Variants in SHOC2 observed in about 807,000 individuals in gnomAD.
SHOC2 encodes the protein leucine-rich repeat protein SHOC-2.
Under a neutral mutation model 50.2 loss-of-function variants are expected in SHOC2, and 4 were observed. The ratio of observed to expected loss-of-function variants is 0.08; its 90% confidence interval spans 0.04 to 0.18. The LOEUF (loss-of-function observed/expected upper bound fraction) is 0.18, where lower values mean the gene tolerates loss of function less well. Among genes scored for constraint, SHOC2 ranks in the 10% least tolerant of loss-of-function variants. The pLI, the probability that SHOC2 is intolerant of heterozygous loss-of-function variation, is 1.00. For synonymous variants in SHOC2, 218 were observed against 244.5 expected, an observed-to-expected ratio of 0.89 and a Z score of 1.01; for missense variants, 388 against 669.6, an observed-to-expected ratio of 0.58 and a Z score of 4.64.
chr10:110,936,898 G>A (rs1467773892), intron 1 of SHOC2: 15 of 1,379,314 alleles, frequency 1.1e-5, no homozygotes, highest in Non-Finnish European at 1.4e-5. Context: ...TTTTCTTGTC[G>A]TAAGGCGGTG....
intron 1 of SHOC2, among the ~76,000 whole-genome samples, chr10:110,947,470 G>C (rs183481223): frequency 1.3e-5 from 2 of 152,304 alleles, no homozygotes; most frequent in East Asian, 3.9e-4. Flanking sequence ...AGACACCAGT[G>C]CAAGTCCATA....
Position 110,927,781 on chromosome 10 carries a change from A to G in SHOC2, c.-235+8124A>G, listed in dbSNP as rs185094417. Reference sequence around the variant, plus strand: ...TGTTGGGCACCAAGCACCTTAAGATAGTCAGATATAATGATGGTTAGTGAA... The same window carrying G: ...TGTTGGGCACCAAGCACCTTAAGATGGTCAGATATAATGATGGTTAGTGAA... On this transcript the variant is annotated intron_variant, in intron 1 of 8. Coordinates refer to ENST00000369452, the MANE Select transcript of SHOC2 (RefSeq NM_007373.4). Among the ~76,000 whole-genome samples the G allele has an allele frequency of 3.3e-5, 5 of 152,366 alleles. No individual in the cohort carries two copies. In the East Asian group the frequency reaches 9.6e-4, roughly 29 times the overall value.
At chr10:110,942,460 G>A (rs548085889) in intron 1 of SHOC2, among the ~76,000 whole-genome samples, 14 of 152,174 alleles carry the variant, frequency 9.2e-5, no homozygotes, top group East Asian at 3.9e-4. Context: ...CAAGTCTCCC[G>A]CCTCAGCCCC....
chr10:110,927,414 T>G (rs1487093751), intron 1 of SHOC2, among the ~76,000 whole-genome samples: 2 of 152,218 alleles, frequency 1.3e-5, no homozygotes, highest in East Asian at 1.9e-4. Context: ...TTATCTACCA[T>G]GTGCTAATTG....
intron 1 of SHOC2, among the ~76,000 whole-genome samples, chr10:110,950,474 C>G (rs559120382): frequency 6.6e-6 from 1 of 152,156 alleles, no homozygotes; most frequent in Non-Finnish European, 1.5e-5. Context: ...TTTGATACAA[C>G]AGCTATCAAA....
At chr10:110,956,066 G>A (rs1847455438) in intron 1 of SHOC2, among the ~76,000 whole-genome samples, 2 of 152,132 alleles carry the variant, frequency 1.3e-5, no homozygotes, top group Non-Finnish European at 2.9e-5. Context: ...GGTAGCACAT[G>A]CACCAACATA....
intron 1 of SHOC2, among the ~76,000 whole-genome samples, chr10:110,950,347 C>T (rs771426268): frequency 4.6e-5 from 7 of 151,838 alleles, no homozygotes; most frequent in Non-Finnish European, 8.8e-5. Context: ...ACACAGAAAT[C>T]GATAAAACAT....
intron 1 of SHOC2, among the ~76,000 whole-genome samples, chr10:110,925,579 T>TCCCA (rs1846754506): frequency 6.6e-6 from 1 of 152,128 alleles, no homozygotes; most frequent in Non-Finnish European, 1.5e-5. Context: ...CACTTTAACC[T>TCCCA]CTCGTGTAAC....
chr10:110,938,286 C>T (rs1271213319), intron 1 of SHOC2, among the ~76,000 whole-genome samples: 1 of 152,058 alleles, frequency 6.6e-6, no homozygotes, highest in Non-Finnish European at 1.5e-5. Context: ...ATTTTTTCCA[C>T]CCCATTTCTT....
intron 2 of SHOC2, among the ~76,000 whole-genome samples, chr10:110,972,622 A>G (rs1590810164): frequency 1.3e-5 from 2 of 152,172 alleles, no homozygotes; most frequent in Non-Finnish European, 1.5e-5. Flanking sequence ...AGGCAGGTGG[A>G]TTACTTGAGC....
rs748328568 is a variant in SHOC2 at position 111,011,580 on chromosome 10, TA to T, written c.1541-21del. The T allele has an allele frequency of 4.7e-5, 72 of 1,532,168 alleles. 1 individual carries two copies. The highest frequency in any genetic ancestry group is 7.8e-5 in the South Asian group (7 of 89,246). 94.9% of individuals were successfully genotyped at this position (1,532,168 alleles called of 1,614,324 possible). A position where few individuals can be genotyped will look rare whatever the true frequency, so the allele number is the denominator to read the frequency against. Reference sequence around the variant, plus strand: ...AACTTTTAAAATAGCAACTAATTTTTAAAAAAAAATTGATTTTTTTTTTAAA... The same window carrying T: ...AACTTTTAAAATAGCAACTAATTTTTAAAAAAAATTGATTTTTTTTTTAAA... On this transcript the variant is annotated intron_variant, in intron 8 of 8. Transcript: ENST00000369452.
intron 3 of SHOC2, among the ~76,000 whole-genome samples, chr10:110,990,763 C>CA (rs1257888428): frequency 6.6e-6 from 1 of 151,332 alleles, no homozygotes; most frequent in Non-Finnish European, 1.5e-5. Context: ...AAAACAAAAA[C>CA]AAAAAACAAA....
intron 6 of SHOC2, 77 bp downstream of exon 6, chr10:111,007,730 G>A (rs1848496837): frequency 7.0e-7 from 1 of 1,424,090 alleles, no homozygotes; most frequent in Non-Finnish European, 9.9e-7. Context: ...ATTTAAATAA[G>A]CAATTTCTAT....
intron 2 of SHOC2, among the ~76,000 whole-genome samples, chr10:110,980,320 C>T (rs1847952495): frequency 6.6e-6 from 1 of 152,102 alleles, no homozygotes; most frequent in Non-Finnish European, 1.5e-5. Flanking sequence ...CCATGCCCGG[C>T]TAATTTTTTG....
chr10:110,962,066 C>G (rs1227380324), intron 1 of SHOC2, among the ~76,000 whole-genome samples: 2 of 151,880 alleles, frequency 1.3e-5, no homozygotes, highest in Non-Finnish European at 2.9e-5. Context: ...CACGTATTTT[C>G]TTTTTTCGTT....
At chr10:110,988,743 C>A (rs1848126977) in intron 3 of SHOC2, among the ~76,000 whole-genome samples, 1 of 151,902 alleles carries the variant, frequency 6.6e-6, no homozygotes, top group African/African-American at 2.4e-5. Flanking sequence ...TTTCTAGTTT[C>A]TTATGGTGGC....
At chr10:110,997,949 C>T (rs1394974367) in intron 3 of SHOC2, among the ~76,000 whole-genome samples, 1 of 150,808 alleles carries the variant, frequency 6.6e-6, no homozygotes, top group African/African-American at 2.4e-5. Flanking sequence ...TGTCATAAAG[C>T]AAATTATTTT....
At chr10:111,002,962 C>T (rs556217535) in intron 4 of SHOC2, among the ~76,000 whole-genome samples, 1 of 152,246 alleles carries the variant, frequency 6.6e-6, no homozygotes, top group South Asian at 2.1e-4. Flanking sequence ...TGCCATGAGG[C>T]TCAGTAAAAC....
At chr10:110,976,376 A>G (rs1847878794) in intron 2 of SHOC2, among the ~76,000 whole-genome samples, 1 of 149,216 alleles carries the variant, frequency 6.7e-6, no homozygotes, top group Non-Finnish European at 1.5e-5. Flanking sequence ...CAGTGGTGTG[A>G]TTATGGCTCA....
Sources: gnomAD v4.1 joint callset for allele counts (sites outside exome capture counted in the v4.1 genomes callset) on GRCh38, gnomAD v4.1.1 for gene constraint, MANE v1.5 for transcripts, NCBI Gene and HGNC (gene_info 2026-07-23, HGNC 2026-07-21) for gene names.